ROBO1: variants seen among roughly 807,000 people sequenced by gnomAD.
ROBO1 encodes the protein roundabout homolog 1.
ROBO1 carries 149 observed loss-of-function variants against 195.9 expected under a neutral mutation model. That is an observed-to-expected ratio of 0.76 (90% CI 0.67 to 0.87). ROBO1 has a LOEUF of 0.87. ROBO1 is among the 40% of genes least tolerant of loss of function. The pLI is 0.00. For missense variants in ROBO1, 1,933 were observed against 2,068.3 expected (o/e 0.93, Z 1.27); for synonymous variants, 816 against 733.2 (o/e 1.11, Z -1.82).
At chr3:78,609,598 T>C (rs1703669595) in intron 28 of ROBO1, among the ~76,000 whole-genome samples, 1 of 152,222 alleles carries the variant, frequency 6.6e-6, no homozygotes, top group Non-Finnish European at 1.5e-5. Flanking sequence ...CTTTACTCTT[T>C]TTTGGAAAAG....
At chr3:79,489,470 A>G (rs1384279193) in intron 2 of ROBO1, among the ~76,000 whole-genome samples, 6 of 152,156 alleles carry the variant, frequency 3.9e-5, no homozygotes, top group Middle Eastern at 3.4e-3. Flanking sequence ...CCTGGCCAAC[A>G]TGGTGAAACC....
At position 78,648,817 on chromosome 3, in the gene ROBO1, A is replaced by G. The variant is rs76555176; in HGVS notation, c.2813-1162T>C. Among the ~76,000 whole-genome samples, 433 of 152,196 alleles carry G rather than the reference A, an allele frequency of 2.8e-3. 1 individual carries two copies. Among genetic ancestry groups the G allele is most frequent in the Non-Finnish European group, 4.6e-3 (314 of 67,998 alleles). ...AAACACTGCCAGAATTATATTTTCT[A>G]TTTCACATTTGAACATCTCCAAGAA... On this transcript the variant is annotated intron_variant, in intron 19 of 30. Transcript: ENST00000464233.
chr3:79,477,178 CTA>C (rs1405904066), intron 2 of ROBO1, among the ~76,000 whole-genome samples: 1 of 152,034 alleles, frequency 6.6e-6, no homozygotes, highest in Non-Finnish European at 1.5e-5. Context: ...TTGGAAAATG[CTA>C]TACTTCAAGC....
intron 3 of ROBO1, among the ~76,000 whole-genome samples, chr3:79,116,521 T>G (rs908092995): frequency 6.7e-6 from 1 of 149,194 alleles, no homozygotes; most frequent in Non-Finnish European, 1.5e-5. Context: ...CTTTCTCTCT[T>G]TCTTCTTTTT....
intron 19 of ROBO1, among the ~76,000 whole-genome samples, chr3:78,648,880 C>T (rs144521203): frequency 9.5e-4 from 145 of 151,976 alleles, no homozygotes; most frequent in African/African-American, 1.7e-3. Flanking sequence ...GTTTGCAAAC[C>T]GAAACGCTAT....
At chr3:79,644,428 A>C (rs1314308129) in intron 1 of ROBO1, among the ~76,000 whole-genome samples, 2 of 152,200 alleles carry the variant, frequency 1.3e-5, no homozygotes, top group African/African-American at 4.8e-5. Context: ...TTGTACTTAC[A>C]GTTCCATGTG....
chr3:79,655,902 G>T (rs1946144320), intron 1 of ROBO1, among the ~76,000 whole-genome samples: 1 of 152,012 alleles, frequency 6.6e-6, no homozygotes, highest in Non-Finnish European at 1.5e-5. Context: ...TACATATAAA[G>T]ATGTGAATTA....
intron 2 of ROBO1, among the ~76,000 whole-genome samples, chr3:79,538,298 T>C (rs978576419): frequency 6.6e-6 from 1 of 152,168 alleles, no homozygotes; most frequent in Admixed American, 6.6e-5. Context: ...TAGTTCATTT[T>C]CCAAGAGATA....
At chr3:78,814,167 A>G (rs753241246) in intron 4 of ROBO1, among the ~76,000 whole-genome samples, 1 of 151,910 alleles carries the variant, frequency 6.6e-6, no homozygotes, top group Non-Finnish European at 1.5e-5. Context: ...TTTAATAACA[A>G]TGTTCTTTCT....
At chr3:79,228,383 A>C (rs2082263794) in intron 2 of ROBO1, among the ~76,000 whole-genome samples, 1 of 152,290 alleles carries the variant, frequency 6.6e-6, no homozygotes, top group African/African-American at 2.4e-5. Flanking sequence ...ACTTGCTGAT[A>C]ATATTGTGAT....
chr3:79,050,905 AAGC>A (rs755160832), intron 3 of ROBO1, among the ~76,000 whole-genome samples: 40 of 152,206 alleles, frequency 2.6e-4, no homozygotes, highest in Non-Finnish European at 3.7e-4. Context: ...GATACACTGA[AAGC>A]AGCGTGTAGA....
chr3:78,693,626 A>G (rs1173371337), intron 8 of ROBO1, among the ~76,000 whole-genome samples: 2 of 152,192 alleles, frequency 1.3e-5, no homozygotes, highest in Admixed American at 6.5e-5. Flanking sequence ...GAGCTATAAA[A>G]TTATAAAACA....
rs189409824 is a variant in ROBO1 at position 79,623,860 on chromosome 3, C to T, written c.-50-33899G>A. 6.2e-4 allele frequency among the ~76,000 whole-genome samples: 94 copies of T among 152,220 alleles called. No homozygotes were observed. In the East Asian group the frequency reaches 0.016, roughly 25 times the overall value. ...AAATACAGAGAACACCACTAAGACA[C>T]TCCATGAGAAGATCAACCCCAAGAC... On this transcript the variant is annotated intron_variant, in intron 1 of 30. Transcript: ENST00000464233.
chr3:78,899,072 C>T lies in ROBO1; in HGVS notation c.499+39529G>A, dbSNP rs187179901. Among the ~76,000 whole-genome samples the T allele has an allele frequency of 2.3e-3, 345 of 152,302 alleles. 3 individuals carry two copies. The highest frequency in any genetic ancestry group is 4.3e-3 in the Admixed American group (66 of 15,292). On this transcript the variant is annotated intron_variant, in intron 4 of 30. Transcript: ENST00000464233. The stretch of plus-strand genomic sequence containing the variant: ...TTATTTCCAATGTCCTGTGCTAGGA[C>T]TGGTACCCTAGTGTTTATCAAATTT...
intron 4 of ROBO1, among the ~76,000 whole-genome samples, chr3:78,877,349 A>G (rs331139): frequency 0.32 from 47,857 of 151,890 alleles, 7,706 homozygotes; most frequent in Middle Eastern, 0.36. Context: ...GAATGGAAGG[A>G]CAATGGAATA....
intron 2 of ROBO1, among the ~76,000 whole-genome samples, chr3:79,240,738 C>T (rs924793928): frequency 1.3e-5 from 2 of 152,100 alleles, no homozygotes; most frequent in African/African-American, 2.4e-5. Context: ...GCTTGACTTC[C>T]TGGGCTCAGG....
chr3:79,229,963 T>C (rs1282844762), intron 2 of ROBO1, among the ~76,000 whole-genome samples: 1 of 152,178 alleles, frequency 6.6e-6, no homozygotes, highest in Admixed American at 6.5e-5. Context: ...GTATACCTAG[T>C]ATTAAAATGT....
At chr3:79,626,951 T>C (rs1057066977) in intron 1 of ROBO1, among the ~76,000 whole-genome samples, 10 of 152,178 alleles carry the variant, frequency 6.6e-5, no homozygotes, top group Non-Finnish European at 1.5e-4. Context: ...ACAAGGGATG[T>C]GAAGGACCTC....
intron 10 of ROBO1, among the ~76,000 whole-genome samples, chr3:78,672,690 T>C (rs897188595): frequency 6.6e-6 from 1 of 151,848 alleles, no homozygotes; most frequent in African/African-American, 2.4e-5. Flanking sequence ...TGTCATGAAG[T>C]AGAATAAAAT....
Sources: gnomAD v4.1 joint callset for allele counts (sites outside exome capture counted in the v4.1 genomes callset) on GRCh38, gnomAD v4.1.1 for gene constraint, MANE v1.5 for transcripts, NCBI Gene and HGNC (gene_info 2026-07-23, HGNC 2026-07-21) for gene names.